SLIT3: variants seen among roughly 807,000 people sequenced by gnomAD.
SLIT3 encodes slit homolog 3 protein.
A neutral mutation model predicts 184.0 loss-of-function variants in SLIT3; 68 were observed. The observed-to-expected ratio is 0.37, with a 90% CI of 0.30 to 0.45. The LOEUF (loss-of-function observed/expected upper bound fraction) is 0.45. Ranked by LOEUF, SLIT3 falls within the 20% of genes least tolerant of loss-of-function variation. The pLI, the probability that SLIT3 is intolerant of heterozygous loss-of-function variation, is 1.00. For missense variants in SLIT3, 1,707 were observed against 2,026.0 expected (o/e 0.84, Z 3.02); for synonymous variants, 831 against 828.6 (o/e 1.00, Z -0.05).
Position 168,817,357 on chromosome 5 carries a change from C to G in SLIT3, c.736G>C (p.Val246Leu). The stretch of plus-strand genomic sequence containing the variant: ...GCCACGTTGAAGCCCCTCAAATGCA[C>G]AGGAGCCATGCAGAGTGTGAACTGG... ...VGQFTLCMAP[V>L]HLRGFNVADV... Residue 246 changes from valine to leucine, a missense_variant, in exon 8 of 36, where the codon GTG (valine) becomes CTG (leucine). Around this residue, in one of 3 missense-constraint regions of SLIT3, gnomAD observed 1,307 missense variants for 1,511.6 expected, o/e 0.86. Transcript: ENST00000519560. 1.2e-6 allele frequency: 2 copies of G among 1,614,192 alleles called. No individual in the cohort carries two copies. Among genetic ancestry groups the G allele is most frequent in the Non-Finnish European group, 1.7e-6 (2 of 1,180,044 alleles).
intron 2 of SLIT3, among the ~76,000 whole-genome samples, chr5:169,247,521 C>A (rs1436594241): frequency 6.6e-6 from 1 of 152,150 alleles, no homozygotes; most frequent in Non-Finnish European, 1.5e-5. Flanking sequence ...TATAATGAAT[C>A]TTAGTTCTGT....
At chr5:169,278,265 A>G (rs1581132503) in intron 1 of SLIT3, among the ~76,000 whole-genome samples, 2 of 152,282 alleles carry the variant, frequency 1.3e-5, no homozygotes, top group African/African-American at 4.8e-5. Flanking sequence ...CATTGTTTCC[A>G]TGCCTGAAAA....
At chr5:168,709,397 C>G (rs1312084564) in intron 25 of SLIT3, among the ~76,000 whole-genome samples, 1 of 152,160 alleles carries the variant, frequency 6.6e-6, no homozygotes, top group Non-Finnish European at 1.5e-5. Context: ...TGCCCGGACC[C>G]TGGCTGCAGT....
chr5:168,980,468 C>G (rs1754910706), intron 4 of SLIT3, among the ~76,000 whole-genome samples: 1 of 152,160 alleles, frequency 6.6e-6, no homozygotes, highest in Non-Finnish European at 1.5e-5. Flanking sequence ...AATTGAGGCT[C>G]AGAGAATATC....
At chr5:168,729,772 A>T (rs942537145) in intron 20 of SLIT3, among the ~76,000 whole-genome samples, 5 of 152,158 alleles carry the variant, frequency 3.3e-5, no homozygotes, top group Non-Finnish European at 5.9e-5. Context: ...AACACCACAG[A>T]ATTTCACCAA....
intron 4 of SLIT3, among the ~76,000 whole-genome samples, chr5:168,968,126 T>C (rs1681351153): frequency 6.6e-6 from 1 of 152,190 alleles, no homozygotes. Context: ...TCCCATTAAA[T>C]ATGCCATTCC....
At chr5:168,889,093 G>A (rs11741951) in intron 4 of SLIT3, among the ~76,000 whole-genome samples, 52,007 of 152,030 alleles carry the variant, frequency 0.34, 9,865 homozygotes, top group East Asian at 0.6. Context: ...GGAGCTAAAG[G>A]GAAAGACACT....
At chr5:168,895,369 G>T (rs1270402221) in intron 4 of SLIT3, among the ~76,000 whole-genome samples, 3 of 152,192 alleles carry the variant, frequency 2.0e-5, no homozygotes, top group Non-Finnish European at 4.4e-5. Flanking sequence ...AGGCAGCACT[G>T]CAGCTCAAGG....
chr5:168,820,427 T>C (rs908447144), intron 7 of SLIT3, among the ~76,000 whole-genome samples: 2 of 152,230 alleles, frequency 1.3e-5, no homozygotes, highest in Non-Finnish European at 2.9e-5. Context: ...TTATCATCTG[T>C]CAAATGGGGA....
chr5:168,916,387 C>T (rs1761435810), intron 4 of SLIT3, among the ~76,000 whole-genome samples: 1 of 152,222 alleles, frequency 6.6e-6, no homozygotes, highest in Admixed American at 6.5e-5. Flanking sequence ...GTGCTTCGCT[C>T]TGCAAGACAG....
At chr5:168,668,452 G>A (rs1206680433) in intron 35 of SLIT3, among the ~76,000 whole-genome samples, 2 of 152,162 alleles carry the variant, frequency 1.3e-5, no homozygotes, top group Non-Finnish European at 1.5e-5. Context: ...GCCAACAGCT[G>A]GAAAAGAGGA....
chr5:169,166,729 G>C (rs1356300259), intron 4 of SLIT3, among the ~76,000 whole-genome samples: 1 of 152,166 alleles, frequency 6.6e-6, no homozygotes, highest in Non-Finnish European at 1.5e-5. Flanking sequence ...AAAAAGCACA[G>C]GTGAGAGTAA....
chr5:168,695,073 G>A (rs561132152), intron 28 of SLIT3, among the ~76,000 whole-genome samples: 113 of 152,304 alleles, frequency 7.4e-4, no homozygotes, highest in African/African-American at 2.6e-3. Flanking sequence ...ATGGGCTGGA[G>A]GCTTGATAAA....
intron 18 of SLIT3, among the ~76,000 whole-genome samples, chr5:168,752,028 C>G (rs1156725279): frequency 6.6e-6 from 1 of 152,148 alleles, no homozygotes; most frequent in Non-Finnish European, 1.5e-5. Flanking sequence ...CGTGAGCCAC[C>G]AAGCCTGGCT....
chr5:168,890,246 A>G (rs1760399168), intron 4 of SLIT3, among the ~76,000 whole-genome samples: 1 of 152,126 alleles, frequency 6.6e-6, no homozygotes, highest in African/African-American at 2.4e-5. Context: ...CTCCCAGACC[A>G]AGCAAAAGAT....
chr5:168,868,279 T>C (rs12658720), intron 5 of SLIT3, among the ~76,000 whole-genome samples: 11,119 of 152,192 alleles, frequency 0.073, 913 homozygotes, highest in African/African-American at 0.21. Flanking sequence ...GTCCTTTCCA[T>C]GTGTCATCTC....
chr5:168,666,372 C>T lies in SLIT3; in HGVS notation c.*82G>A. 1.5e-6 allele frequency: 2 copies of T among 1,326,484 alleles called. No homozygotes were observed. Among genetic ancestry groups the T allele is most frequent in the Non-Finnish European group, 1.0e-6 (1 of 1,003,700 alleles). The allele number at this position is 1,326,484 out of a possible 1,614,324, so 82.2% of individuals were successfully genotyped here. ...CCTCTCCAGCTTCATTTCCTTCATG[C>T]TGAATCACCAGGGGGTCCCACATGG... On this transcript the variant is annotated 3_prime_UTR_variant, in exon 36 of 36. Transcript: ENST00000519560.
At chr5:169,134,847 C>T (rs900446801) in intron 4 of SLIT3, among the ~76,000 whole-genome samples, 3 of 152,184 alleles carry the variant, frequency 2.0e-5, no homozygotes, top group African/African-American at 7.2e-5. Flanking sequence ...GCAGCTTGGA[C>T]TAGAATTTTA....
intron 5 of SLIT3, among the ~76,000 whole-genome samples, chr5:168,868,748 A>AG (rs1339960531): frequency 6.1e-4 from 47 of 76,822 alleles, no homozygotes; most frequent in African/African-American, 1.1e-3. Flanking sequence ...AATCTGCCTC[A>AG]AAAAAAAAAA....
Sources: gnomAD v4.1 joint callset for allele counts (sites outside exome capture counted in the v4.1 genomes callset) on GRCh38, gnomAD v4.1.1 for gene constraint, gnomAD v4.1.1 regional missense constraint, MANE v1.5 for transcripts, NCBI Gene and HGNC (gene_info 2026-07-23, HGNC 2026-07-21) for gene names.